LMBR1: variants seen among roughly 807,000 people sequenced by gnomAD.
The protein encoded by LMBR1 is limb region 1 protein homolog.
LMBR1 carries 52 observed loss-of-function variants against 73.9 expected under a neutral mutation model. That is an observed-to-expected ratio of 0.70 (90% CI 0.56 to 0.89). The LOEUF (loss-of-function observed/expected upper bound fraction) is 0.89, where lower values mean the gene tolerates loss of function less well. Ranked by LOEUF, LMBR1 falls within the 40% of genes least tolerant of loss-of-function variation. The pLI, the probability that LMBR1 is intolerant of heterozygous loss-of-function variation, is 0.00. For synonymous variants in LMBR1, 215 were observed against 209.4 expected (o/e 1.03, Z -0.23); for missense variants, 539 against 579.8 (o/e 0.93, Z 0.72).
rs780385456 is a variant in LMBR1 at position 156,734,237 on chromosome 7, A to T, written c.778T>A (p.Tyr260Asn). ...RLNGLSSSVE[Y>N]NIMELEQELE... ...TCTTGTTCCAACTCCATTATGTTGT[A>T]TTCCACCGATGAAGACAGCCCTGTT... Residue 260 changes from tyrosine (Y) to asparagine (N), a missense_variant, in exon 10 of 17, where the codon TAC becomes AAC. By Grantham distance (143) the Tyr-to-Asn change is moderately radical. This residue lies in a region of LMBR1 where 454 missense variants were observed against 473.4 expected (regional missense o/e 0.96). Transcript: ENST00000353442. 1.9e-5 allele frequency: 30 copies of T among 1,610,326 alleles called. No homozygotes were observed. The South Asian group carries it at 3.2e-4, about 17-fold the overall frequency.
At chr7:156,861,184 C>T (rs565923742) in intron 1 of LMBR1, among the ~76,000 whole-genome samples, 54 of 152,358 alleles carry the variant, frequency 3.5e-4, no homozygotes, top group African/African-American at 9.1e-4. Context: ...TCCATACATA[C>T]ATCCTCTGAA....
At position 156,718,310 on chromosome 7, in the gene LMBR1, G is replaced by T. The variant is rs779720240; in HGVS notation, c.1225+5802C>A. Reference sequence around the variant, plus strand: ...AGGTACTTGCGAGGCTGAGGCAGGAGAATCACTTGAACCCAGGAGGCAGAG... The same window carrying T: ...AGGTACTTGCGAGGCTGAGGCAGGATAATCACTTGAACCCAGGAGGCAGAG... On this transcript the variant is annotated intron_variant, in intron 15 of 16. Coordinates refer to ENST00000353442, the MANE Select transcript of LMBR1 (RefSeq NM_022458.4). Among the ~76,000 whole-genome samples the T allele has an allele frequency of 2.0e-5, 3 of 151,114 alleles. No individual in the cohort carries two copies. The South Asian group carries it at 6.3e-4, about 31-fold the overall frequency.
chr7:156,792,714 T>C (rs1829431743), intron 5 of LMBR1, among the ~76,000 whole-genome samples: 1 of 152,242 alleles, frequency 6.6e-6, no homozygotes, highest in Admixed American at 6.5e-5. Context: ...AAGTAGAGAA[T>C]TCTGCTTAAT....
intron 3 of LMBR1, 117 bp downstream of exon 3, chr7:156,833,636 C>T: frequency 2.9e-6 from 2 of 698,626 alleles, no homozygotes; most frequent in Non-Finnish European, 4.9e-6. Flanking sequence ...TATGATAAAG[C>T]TATTGTAATG....
intron 1 of LMBR1, among the ~76,000 whole-genome samples, chr7:156,845,742 TG>T (rs555119495): frequency 2.5e-3 from 373 of 152,108 alleles, no homozygotes; most frequent in Non-Finnish European, 4.4e-3. Context: ...CTTGAACTCC[TG>T]GGCTCAAGTG....
chr7:156,751,542 T>C (rs1820874585), intron 9 of LMBR1, among the ~76,000 whole-genome samples: 1 of 152,138 alleles, frequency 6.6e-6, no homozygotes, highest in South Asian at 2.1e-4. Context: ...ACTCATATTG[T>C]CAGAGACTCT....
At chr7:156,880,477 TG>T (rs1800917442) in intron 1 of LMBR1, among the ~76,000 whole-genome samples, 1 of 151,632 alleles carries the variant, frequency 6.6e-6, no homozygotes, top group South Asian at 2.1e-4. Flanking sequence ...AAAAACTACC[TG>T]TTTCCCTAAA....
In LMBR1 at chr7:156,725,746, C is replaced by T. The variant is rs1481550832; in HGVS notation, c.1067+18G>A. On this transcript the variant is annotated intron_variant, in intron 13 of 16. Coordinates refer to ENST00000353442, the MANE Select transcript of LMBR1 (RefSeq NM_022458.4). Reference sequence around the variant, plus strand: ...AAAATTTGTGGATAGGCTGAACGTTCAGTTAAAGAAAGGATACAAAATCAA... The same window carrying T: ...AAAATTTGTGGATAGGCTGAACGTTTAGTTAAAGAAAGGATACAAAATCAA... 10 of 1,607,174 alleles carry T rather than the reference C, an allele frequency of 6.2e-6. No individual in the cohort carries two copies. Among genetic ancestry groups the T allele is most frequent in the Non-Finnish European group, 8.5e-6 (10 of 1,176,282 alleles).
At chr7:156,770,837 C>A (rs1825038551) in intron 5 of LMBR1, among the ~76,000 whole-genome samples, 1 of 152,008 alleles carries the variant, frequency 6.6e-6, no homozygotes, top group Admixed American at 6.6e-5. Flanking sequence ...TCACTTGAGC[C>A]CAGGAGTTTG....
At chr7:156,757,989 T>A (rs1822222435) in intron 8 of LMBR1, among the ~76,000 whole-genome samples, 1 of 151,902 alleles carries the variant, frequency 6.6e-6, no homozygotes, top group Non-Finnish European at 1.5e-5. Flanking sequence ...TACAAACAAA[T>A]AATGACAAAG....
chr7:156,729,305 G>T (rs1403830401), intron 10 of LMBR1, among the ~76,000 whole-genome samples: 1 of 151,966 alleles, frequency 6.6e-6, no homozygotes, highest in Non-Finnish European at 1.5e-5. Flanking sequence ...TATAGCCACA[G>T]GTTCTGCAAT....
At chr7:156,767,687 ATAGT>A (rs1315660506) in intron 5 of LMBR1, among the ~76,000 whole-genome samples, 17 of 151,932 alleles carry the variant, frequency 1.1e-4, no homozygotes, top group African/African-American at 3.9e-4. Flanking sequence ...CAAAAATGTA[ATAGT>A]TAATATAGTA....
At chr7:156,872,400 C>A (rs760155809) in intron 1 of LMBR1, among the ~76,000 whole-genome samples, 4 of 152,076 alleles carry the variant, frequency 2.6e-5, no homozygotes, top group Non-Finnish European at 5.9e-5. Context: ...GTAATCCCAG[C>A]ACTTTGGGAG....
At chr7:156,743,602 C>T (rs1819304315) in intron 9 of LMBR1, among the ~76,000 whole-genome samples, 1 of 152,136 alleles carries the variant, frequency 6.6e-6, no homozygotes, top group African/African-American at 2.4e-5. Context: ...TGCTCTTTCT[C>T]TTTTTATGTA....
intron 5 of LMBR1, among the ~76,000 whole-genome samples, chr7:156,780,571 T>G (rs370025795): frequency 6.6e-6 from 1 of 152,248 alleles, no homozygotes; most frequent in African/African-American, 2.4e-5. Flanking sequence ...GGTTCACTAG[T>G]AAGGCTCTTT....
At chr7:156,774,049 C>A (rs1461451842) in intron 5 of LMBR1, among the ~76,000 whole-genome samples, 1 of 151,554 alleles carries the variant, frequency 6.6e-6, no homozygotes, top group African/African-American at 2.4e-5. Context: ...AAAAAGTGGG[C>A]AAAGAATAGG....
chr7:156,758,227 G>C (rs1822272886), intron 8 of LMBR1, among the ~76,000 whole-genome samples: 1 of 152,192 alleles, frequency 6.6e-6, no homozygotes, highest in African/African-American at 2.4e-5. Flanking sequence ...TCTGGGACCA[G>C]GTCCTTGGGG....
At chr7:156,675,948 G>A, downstream of LMBR1, 6 of 1,394,888 alleles carry the variant, frequency 4.3e-6, no homozygotes, top group Admixed American at 3.6e-5. Context: ...GGGAGGTCGA[G>A]GACTCACTTT....
intron 9 of LMBR1, among the ~76,000 whole-genome samples, chr7:156,738,496 G>T (rs1325921205): frequency 6.6e-6 from 1 of 152,184 alleles, no homozygotes; most frequent in East Asian, 1.9e-4. Flanking sequence ...CAGACACAGT[G>T]GCTAAGGGAG....
Sources: gnomAD v4.1 joint callset for allele counts (sites outside exome capture counted in the v4.1 genomes callset) on GRCh38, gnomAD v4.1.1 for gene constraint, gnomAD v4.1.1 regional missense constraint, MANE v1.5 for transcripts, NCBI Gene and HGNC (gene_info 2026-07-23, HGNC 2026-07-21) for gene names.